PCDH9: variants seen among roughly 807,000 people sequenced by gnomAD.
The protein encoded by PCDH9 is protocadherin-9.
PCDH9 carries 24 observed loss-of-function variants against 70.6 expected under a neutral mutation model. The ratio of observed to expected loss-of-function variants is 0.34; its 90% confidence interval spans 0.25 to 0.48. PCDH9 has a LOEUF of 0.48. Among genes scored for constraint, PCDH9 ranks in the 20% least tolerant of loss-of-function variants. The probability of loss-of-function intolerance (pLI) is 0.99; values close to 1 mark genes in which losing one functional copy is unlikely to be tolerated. For synonymous variants in PCDH9, 562 were observed against 558.5 expected, an observed-to-expected ratio of 1.01 and a Z score of -0.09; for missense variants, 1,281 against 1,503.6, an observed-to-expected ratio of 0.85 and a Z score of 2.45.
chr13:66,962,987 T>A (rs1474157454), intron 2 of PCDH9, among the ~76,000 whole-genome samples: 1 of 151,966 alleles, frequency 6.6e-6, no homozygotes, highest in African/African-American at 2.4e-5. Context: ...AACTAGATGG[T>A]CCTATCTGCA....
intron 4 of PCDH9, among the ~76,000 whole-genome samples, chr13:66,345,190 C>A (rs1368281946): frequency 6.6e-6 from 1 of 152,134 alleles, no homozygotes; most frequent in African/African-American, 2.4e-5. Context: ...GTTGCTTTAG[C>A]AGTTGCCAAG....
intron 2 of PCDH9, among the ~76,000 whole-genome samples, chr13:67,048,598 A>G (rs1262739373): frequency 6.6e-6 from 1 of 152,244 alleles, no homozygotes; most frequent in Non-Finnish European, 1.5e-5. Context: ...ATGGGAAAAC[A>G]AAAGATAACA....
chr13:66,550,052 G>A (rs1046571013), intron 4 of PCDH9, among the ~76,000 whole-genome samples: 7 of 151,970 alleles, frequency 4.6e-5, no homozygotes, highest in Admixed American at 4.6e-4. Context: ...AATTTTTAAA[G>A]GAGGAAAGTC....
intron 2 of PCDH9, among the ~76,000 whole-genome samples, chr13:67,132,925 G>C (rs1365609155): frequency 6.6e-6 from 1 of 152,016 alleles, no homozygotes; most frequent in East Asian, 1.9e-4. Flanking sequence ...TGACTACTCT[G>C]TGTGTTTTCT....
chr13:66,516,363 C>T (rs184856951), intron 4 of PCDH9, among the ~76,000 whole-genome samples: 4 of 151,982 alleles, frequency 2.6e-5, no homozygotes, highest in African/African-American at 9.6e-5. Context: ...AGAAGCTTGG[C>T]CTTCATTTTT....
At chr13:67,191,187 C>T (rs1030967323) in intron 2 of PCDH9, among the ~76,000 whole-genome samples, 2 of 152,148 alleles carry the variant, frequency 1.3e-5, no homozygotes, top group Non-Finnish European at 2.9e-5. Flanking sequence ...GCTAAATTCT[C>T]ATTCCACAAG....
At chr13:67,077,687 C>A (rs2085904225) in intron 2 of PCDH9, among the ~76,000 whole-genome samples, 1 of 151,970 alleles carries the variant, frequency 6.6e-6, no homozygotes, top group Admixed American at 6.6e-5. Flanking sequence ...ATTTCTCTTC[C>A]CATTCTTTCA....
chr13:66,342,061 G>C (rs916334327), intron 4 of PCDH9, among the ~76,000 whole-genome samples: 1 of 152,158 alleles, frequency 6.6e-6, no homozygotes, highest in Non-Finnish European at 1.5e-5. Context: ...AGTTCAAAGA[G>C]AGAAACTTGA....
chr13:66,980,013 T>C (rs1210199726), intron 2 of PCDH9, among the ~76,000 whole-genome samples: 1 of 152,154 alleles, frequency 6.6e-6, no homozygotes, highest in Non-Finnish European at 1.5e-5. Context: ...CTCAAGGTGA[T>C]ATATTTTATT....
intron 4 of PCDH9, among the ~76,000 whole-genome samples, chr13:66,622,704 C>A (rs966887549): frequency 6.6e-6 from 1 of 152,162 alleles, no homozygotes; most frequent in African/African-American, 2.4e-5. Flanking sequence ...TCAAAACAGA[C>A]CACTGGTCTC....
intron 4 of PCDH9, among the ~76,000 whole-genome samples, chr13:66,309,275 G>C (rs762869965): frequency 7.9e-5 from 12 of 151,966 alleles, no homozygotes; most frequent in Non-Finnish European, 1.6e-4. Context: ...CTTCCTTAAA[G>C]TCAGTGTCAT....
chr13:66,391,072 G>C (rs551978521), intron 4 of PCDH9, among the ~76,000 whole-genome samples: 1 of 152,160 alleles, frequency 6.6e-6, no homozygotes, highest in African/African-American at 2.4e-5. Flanking sequence ...GTGGAAAACA[G>C]CATGTAATAT....
At chr13:67,209,518 C>T (rs2089426774) in intron 2 of PCDH9, 1 of 152,044 alleles carries the variant, frequency 6.6e-6, no homozygotes, top group African/African-American at 2.4e-5. Flanking sequence ...AGTCTCTTTA[C>T]CATATCTCTA....
intron 4 of PCDH9, among the ~76,000 whole-genome samples, chr13:66,522,884 G>A (rs1245028745): frequency 1.3e-5 from 2 of 151,980 alleles, no homozygotes; most frequent in Non-Finnish European, 2.9e-5. Flanking sequence ...TTTTTTTAAC[G>A]TCACCCAGCT....
At chr13:67,144,445 T>G (rs1014573775) in intron 2 of PCDH9, among the ~76,000 whole-genome samples, 1 of 152,150 alleles carries the variant, frequency 6.6e-6, no homozygotes, top group Non-Finnish European at 1.5e-5. Flanking sequence ...TGTCTATTAA[T>G]TCTGAACCAT....
chr13:66,592,310 G>T (rs1018421316), intron 4 of PCDH9, among the ~76,000 whole-genome samples: 2 of 151,628 alleles, frequency 1.3e-5, no homozygotes, highest in Non-Finnish European at 3.0e-5. Flanking sequence ...TCAGAGATCA[G>T]TATCAAGCTT....
chr13:66,392,742 A>G (rs941963129), intron 4 of PCDH9, among the ~76,000 whole-genome samples: 3 of 152,224 alleles, frequency 2.0e-5, no homozygotes, highest in African/African-American at 4.8e-5. Context: ...GTTACACTGC[A>G]TAAAAAAAAT....
chr13:66,798,670 T>A (rs1429362034), intron 3 of PCDH9, among the ~76,000 whole-genome samples: 6 of 152,280 alleles, frequency 3.9e-5, no homozygotes, highest in Admixed American at 3.3e-4. Context: ...CTTCCCAATA[T>A]CAAACATCTT....
chr13:66,973,877 T>G (rs2083567974), intron 2 of PCDH9, among the ~76,000 whole-genome samples: 1 of 152,176 alleles, frequency 6.6e-6, no homozygotes, highest in East Asian at 1.9e-4. Flanking sequence ...GTATTTTGTT[T>G]ACTTTTGCAC....
Sources: allele counts gnomAD v4.1 joint callset (sites outside exome capture counted in the v4.1 genomes callset), GRCh38; gene constraint gnomAD v4.1.1; transcripts MANE v1.5; gene names NCBI Gene and HGNC (gene_info 2026-07-23, HGNC 2026-07-21).